Variants in CCDC146 observed in about 807,000 individuals in gnomAD.
The protein encoded by CCDC146 is coiled-coil domain-containing protein 146.
In CCDC146, 92 loss-of-function variants were observed where a neutral mutation model predicts 119.3. That is an observed-to-expected ratio of 0.77 (90% CI 0.65 to 0.92). CCDC146 has a LOEUF of 0.92. CCDC146 is among the 40% of genes least tolerant of loss of function. CCDC146 has a pLI of 0.00. For synonymous variants in CCDC146, 372 were observed against 371.8 expected (o/e 1.00, Z -0.01); for missense variants, 1,000 against 1,103.0 (o/e 0.91, Z 1.32).
chr7:77,234,554 G>T (rs75309771), intron 2 of CCDC146, among the ~76,000 whole-genome samples: 10,309 of 152,132 alleles, frequency 0.068, 694 homozygotes, highest in East Asian at 0.27. Context: ...GGGCAACATG[G>T]TGAAACCCCA....
intron 1 of CCDC146, among the ~76,000 whole-genome samples, chr7:77,129,521 G>C (rs1790752566): frequency 6.6e-6 from 1 of 152,014 alleles, no homozygotes; most frequent in Non-Finnish European, 1.5e-5. Context: ...GTGAAATTGT[G>C]AAGAATGAAA....
At chr7:77,158,881 G>C (rs1005179755) in intron 1 of CCDC146, among the ~76,000 whole-genome samples, 16 of 152,146 alleles carry the variant, frequency 1.1e-4, no homozygotes, top group Non-Finnish European at 1.8e-4. Context: ...TATTTAATTA[G>C]ATTAATTAGT....
chr7:77,287,454 G>A lies in CCDC146; in HGVS notation c.2292G>A (p.Leu764=), dbSNP rs1252698751. The change falls in exon 17 of 19, where the codon CTG becomes CTA. Residue 764 remains leucine (L), a synonymous_variant. Transcript: ENST00000285871. The part of the protein sequence containing the change: ...IQKLDKLELQ[L]AKKEEKLLEK... ...TTCAAACATAGCTGGAACTACAACT[G>A]GCCAAGAAGGAGGAGAAGCTGCTGG... The A allele has an allele frequency of 6.2e-7, 1 of 1,613,996 alleles. No homozygotes were observed. Among genetic ancestry groups the A allele is most frequent in the Non-Finnish European group, 8.5e-7 (1 of 1,179,964 alleles).
chr7:77,127,051 A>C (rs771461306), intron 1 of CCDC146, among the ~76,000 whole-genome samples: 3 of 152,162 alleles, frequency 2.0e-5, no homozygotes, highest in Non-Finnish European at 4.4e-5. Context: ...CAGCGGGAGC[A>C]GACACCCCAA....
At chr7:77,180,803 G>A (rs1791575751) in intron 2 of CCDC146, among the ~76,000 whole-genome samples, 1 of 152,130 alleles carries the variant, frequency 6.6e-6, no homozygotes, top group South Asian at 2.1e-4. Context: ...TATTGCCAAG[G>A]CACTCTTTAT....
chr7:77,235,842 G>T (rs1418508355), intron 2 of CCDC146, among the ~76,000 whole-genome samples: 4 of 152,016 alleles, frequency 2.6e-5, no homozygotes, highest in African/African-American at 9.7e-5. Context: ...GGCCAAGGTG[G>T]GTGGATCACC....
intron 9 of CCDC146, among the ~76,000 whole-genome samples, chr7:77,269,704 A>G (rs937079237): frequency 6.6e-5 from 10 of 152,274 alleles, no homozygotes; most frequent in African/African-American, 2.2e-4. Context: ...TGAATATAAA[A>G]CTAAGCACCC....
chr7:77,287,729 T>C (rs1474182073), intron 17 of CCDC146, 152 bp downstream of exon 17: 1 of 810,288 alleles, frequency 1.2e-6, no homozygotes, highest in Non-Finnish European at 1.9e-6. Context: ...ACTCAGAGAA[T>C]TGTCCAAAAT....
intron 1 of CCDC146, among the ~76,000 whole-genome samples, chr7:77,123,703 A>C (rs1790657130): frequency 6.6e-6 from 1 of 152,220 alleles, no homozygotes; most frequent in Non-Finnish European, 1.5e-5. Context: ...CTATCGTGAT[A>C]GATAGACTGG....
intron 1 of CCDC146, among the ~76,000 whole-genome samples, chr7:77,131,100 C>G (rs1382750123): frequency 2.0e-5 from 3 of 152,016 alleles, no homozygotes; most frequent in African/African-American, 7.3e-5. Flanking sequence ...CCAGGCTGGT[C>G]TCAAACTCCT....
intron 2 of CCDC146, among the ~76,000 whole-genome samples, chr7:77,175,558 T>A (rs978417423): frequency 2.2e-4 from 34 of 151,266 alleles, no homozygotes; most frequent in Admixed American, 7.2e-4. Context: ...AAACAAGTTA[T>A]ATATAAAACT....
chr7:77,184,693 G>A (rs1269785391), intron 2 of CCDC146, among the ~76,000 whole-genome samples: 2 of 152,154 alleles, frequency 1.3e-5, no homozygotes, highest in East Asian at 1.9e-4. Context: ...ATAGTGTTTG[G>A]AGAGCATAGG....
rs183570897 is a variant in CCDC146, at chr7:77,229,232, G to T, written c.157-7715G>T. ...AGATGCTGGATATTAGACCTTTGTC[G>T]GATGCATAGTTTGCAAAAATTTTTC... On this transcript the variant is annotated intron_variant, in intron 2 of 18. Coordinates refer to ENST00000285871, the MANE Select transcript of CCDC146 (RefSeq NM_020879.3). Among the ~76,000 whole-genome samples, 277 of 152,172 alleles carry T rather than the reference G, an allele frequency of 1.8e-3. 2 individuals carry two copies. Among genetic ancestry groups the T allele is most frequent in the Admixed American group, 3.7e-3 (57 of 15,278 alleles).
At position 77,282,470 on chromosome 7, in the gene CCDC146, T is replaced by C. The variant is rs1793781629; in HGVS notation, c.1920-87T>C. On this transcript the variant is annotated intron_variant, in intron 14 of 18. Transcript: ENST00000285871. ...GAAGTATGCTATGTTGTGTATATCT[T>C]GCATCCAAAGCCAGAGGGAACCACA... 8 of 803,582 alleles carry C rather than the reference T, an allele frequency of 1.0e-5. No homozygotes were observed. In the South Asian group the frequency reaches 1.5e-4, roughly 15 times the overall value. 49.8% of individuals were successfully genotyped at this position (803,582 alleles called of 1,614,324 possible). A position where few individuals can be genotyped will look rare whatever the true frequency, so the allele number is the denominator to read the frequency against.
chr7:77,259,939 AGTGTGTGTGTGTGT>A (rs58669153), intron 7 of CCDC146, 56 bp from the exon 8 acceptor site: 52,099 of 750,192 alleles, frequency 0.069, 663 homozygotes, highest in African/African-American at 0.13. Context: ...AAATAAGGCA[AGTGTGTGTGTGTGT>A]GTGTGTGTGT....
Position 77,241,752 on chromosome 7 carries a change from C to A in CCDC146, c.301C>A (p.Gln101Lys). 1 of 1,614,046 alleles carries A rather than the reference C, an allele frequency of 6.2e-7. No individual in the cohort carries two copies. Among genetic ancestry groups the A allele is most frequent in the Non-Finnish European group, 8.5e-7 (1 of 1,180,024 alleles). The change falls in exon 4 of 19, where the codon CAG becomes AAG. Residue 101 changes from glutamine (Q) to lysine (K), a missense_variant. Around this residue, in one of 2 missense-constraint regions of CCDC146, gnomAD observed 985 missense variants for 1,045.3 expected, o/e 0.94. Coordinates refer to ENST00000285871, the MANE Select transcript of CCDC146 (RefSeq NM_020879.3). ...NAKRFTEQIQ[Q>K]QQFHLQQADN... Reference sequence around the variant, plus strand: ...CAAACGTTTCACTGAGCAAATACAACAGCAGCAGTTTCACCTGCAGCAAGC... The same window carrying A: ...CAAACGTTTCACTGAGCAAATACAAAAGCAGCAGTTTCACCTGCAGCAAGC...
intron 3 of CCDC146, among the ~76,000 whole-genome samples, chr7:77,237,967 C>G (rs1450108221): frequency 1.3e-5 from 2 of 152,168 alleles, no homozygotes; most frequent in Non-Finnish European, 2.9e-5. Context: ...CTGCCACTCC[C>G]CAGCCATCCT....
chr7:77,143,908 T>C (rs1790975656), intron 1 of CCDC146, among the ~76,000 whole-genome samples: 1 of 151,822 alleles, frequency 6.6e-6, no homozygotes, highest in African/African-American at 2.4e-5. Flanking sequence ...GGCTCTTTTT[T>C]GGTTCCACAT....
rs66503834 is a variant in CCDC146, at chr7:77,153,426, CTT to C, written c.-11-14216_-11-14215del. The stretch of plus-strand genomic sequence containing the variant: ...CAGCAAGGAGGACAGTGGGACTTTT[CTT>C]TTTTTTTTTTTTTTTAACAATAAAA... On this transcript the variant is annotated intron_variant, in intron 1 of 18. Transcript: ENST00000285871. Among the ~76,000 whole-genome samples the C allele has an allele frequency of 6.0e-3, 797 of 133,364 alleles. 7 individuals carry two copies. The highest frequency in any genetic ancestry group is 0.017 in the African/African-American group (607 of 36,466). The allele number at this position is 133,364 out of a possible 152,430, so 87.5% of individuals were successfully genotyped here.
Sources: allele counts gnomAD v4.1 joint callset (sites outside exome capture counted in the v4.1 genomes callset), GRCh38; gene constraint gnomAD v4.1.1; regional missense constraint gnomAD v4.1.1; transcripts MANE v1.5; gene names NCBI Gene and HGNC (gene_info 2026-07-23, HGNC 2026-07-21).